Variants in FNDC3B observed in about 807,000 individuals in gnomAD.
FNDC3B encodes fibronectin type III domain-containing protein 3B.
Under a neutral mutation model 151.5 loss-of-function variants are expected in FNDC3B, and 12 were observed. That is an observed-to-expected ratio of 0.08 (90% CI 0.05 to 0.13). The LOEUF is 0.13. Among genes scored for constraint, FNDC3B ranks in the 10% least tolerant of loss-of-function variants. FNDC3B has a pLI of 1.00. For synonymous variants in FNDC3B, 528 were observed against 549.0 expected, an observed-to-expected ratio of 0.96 and a Z score of 0.54; for missense variants, 1,214 against 1,505.3, an observed-to-expected ratio of 0.81 and a Z score of 3.20.
intron 1 of FNDC3B, among the ~76,000 whole-genome samples, chr3:172,047,717 C>CA (rs572703455): frequency 5.0e-4 from 76 of 152,140 alleles, no homozygotes; most frequent in Non-Finnish European, 8.7e-4. Context: ...TATTTGCTTG[C>CA]AAAATACATC....
chr3:172,215,984 C>T (rs1382521838), intron 3 of FNDC3B, among the ~76,000 whole-genome samples: 1 of 147,324 alleles, frequency 6.8e-6, no homozygotes, highest in Non-Finnish European at 1.5e-5. Context: ...CTCCTGGGAA[C>T]TCCGTCTTGA....
chr3:172,288,330 G>A lies in FNDC3B; in HGVS notation c.849+2346G>A, dbSNP rs565909229. ...CACTGGGCAGGGGCCTGGACCTGGCGAATTCACTCAGGTAAATGCCACAAG... is the reference window on the plus strand; with the variant it reads ...CACTGGGCAGGGGCCTGGACCTGGCAAATTCACTCAGGTAAATGCCACAAG... On this transcript the variant is annotated intron_variant, in intron 7 of 25. Coordinates refer to ENST00000415807, the MANE Select transcript of FNDC3B (RefSeq NM_022763.4). Among the ~76,000 whole-genome samples, 21 of 152,290 alleles carry A rather than the reference G, an allele frequency of 1.4e-4. No individual in the cohort carries two copies. The South Asian group carries it at 2.5e-3, about 18-fold the overall frequency.
At chr3:172,103,767 G>A (rs141364630) in intron 1 of FNDC3B, among the ~76,000 whole-genome samples, 1 of 152,240 alleles carries the variant, frequency 6.6e-6, no homozygotes, top group Admixed American at 6.5e-5. Context: ...ACGCAAGAAC[G>A]TTTTTAAGGT....
chr3:172,081,156 C>CACTAGTTTTTT (rs1718261380), intron 1 of FNDC3B, among the ~76,000 whole-genome samples: 1 of 152,176 alleles, frequency 6.6e-6, no homozygotes, highest in Non-Finnish European at 1.5e-5. Flanking sequence ...TATTGATTGG[C>CACTAGTTTTTT]ACTAGTGGTT....
At chr3:172,046,469 C>T (rs1297705986) in intron 1 of FNDC3B, among the ~76,000 whole-genome samples, 1 of 151,864 alleles carries the variant, frequency 6.6e-6, no homozygotes, top group African/African-American at 2.4e-5. Flanking sequence ...AGGTTCACGC[C>T]ACCATGCCTG....
At chr3:172,290,204 G>T (rs1209537257) in intron 7 of FNDC3B, among the ~76,000 whole-genome samples, 1 of 152,196 alleles carries the variant, frequency 6.6e-6, no homozygotes, top group Non-Finnish European at 1.5e-5. Context: ...TTTTATTTAG[G>T]TGCAGAACTT....
intron 7 of FNDC3B, among the ~76,000 whole-genome samples, chr3:172,288,649 T>C (rs1730146574): frequency 6.6e-6 from 1 of 152,204 alleles, no homozygotes; most frequent in African/African-American, 2.4e-5. Context: ...CCTCAAGTAG[T>C]TACACACTCC....
intron 3 of FNDC3B, among the ~76,000 whole-genome samples, chr3:172,134,182 G>A (rs913180515): frequency 3.9e-5 from 6 of 152,324 alleles, no homozygotes; most frequent in African/African-American, 1.4e-4. Flanking sequence ...AGTTCCAGGT[G>A]TAGGTAAGGC....
intron 11 of FNDC3B, among the ~76,000 whole-genome samples, chr3:172,314,361 G>A (rs923136740): frequency 6.6e-6 from 1 of 152,198 alleles, no homozygotes; most frequent in Non-Finnish European, 1.5e-5. Context: ...CACTGCCTGA[G>A]AGTGAGACAG....
chr3:172,288,377 C>T (rs539150394), intron 7 of FNDC3B, among the ~76,000 whole-genome samples: 1 of 152,314 alleles, frequency 6.6e-6, no homozygotes, highest in Non-Finnish European at 1.5e-5. Context: ...TCTGCAGGGC[C>T]AGCCAGCTTA....
chr3:172,383,199 G>A (rs1209886017), intron 25 of FNDC3B, among the ~76,000 whole-genome samples: 2 of 152,186 alleles, frequency 1.3e-5, no homozygotes, highest in African/African-American at 4.8e-5. Context: ...CTTGTAAGTT[G>A]TATTCCTAGG....
intron 3 of FNDC3B, among the ~76,000 whole-genome samples, chr3:172,184,638 C>T (rs1724081075): frequency 1.3e-5 from 2 of 152,138 alleles, no homozygotes; most frequent in African/African-American, 4.8e-5. Flanking sequence ...TTGTATACCT[C>T]ACAGGGCAGT....
chr3:172,049,131 A>G (rs186227784), intron 1 of FNDC3B, among the ~76,000 whole-genome samples: 130 of 152,344 alleles, frequency 8.5e-4, no homozygotes, highest in African/African-American at 3.0e-3. Context: ...TATGACAATT[A>G]AAAAATGCAA....
chr3:172,233,212 G>A (rs1395936030), intron 4 of FNDC3B, among the ~76,000 whole-genome samples: 1 of 152,176 alleles, frequency 6.6e-6, no homozygotes, highest in African/African-American at 2.4e-5. Flanking sequence ...GATTTAAAAA[G>A]CATATGAAGA....
Position 172,144,720 on chromosome 3 carries a change from TA to T in FNDC3B, c.187+11176del, listed in dbSNP as rs755673101. On this transcript the variant is annotated intron_variant, in intron 3 of 25. Transcript: ENST00000415807. ...TTAAAAGGCAAACTTTTTTTTTTTT[TA>T]AGTGGGTATTTTTTTCCTTTTCCTC... 1.0e-3 allele frequency among the ~76,000 whole-genome samples: 149 copies of T among 148,558 alleles called. 1 individual carries two copies. The highest frequency in any genetic ancestry group is 2.1e-3 in the South Asian group (10 of 4,678).
chr3:172,179,260 C>T (rs1723760190), intron 3 of FNDC3B, among the ~76,000 whole-genome samples: 1 of 151,880 alleles, frequency 6.6e-6, no homozygotes, highest in Admixed American at 6.6e-5. Flanking sequence ...CGGGTTTTCA[C>T]CATGTTGGCC....
intron 3 of FNDC3B, among the ~76,000 whole-genome samples, chr3:172,168,638 T>C (rs934764150): frequency 7.9e-5 from 12 of 152,188 alleles, no homozygotes; most frequent in Non-Finnish European, 1.8e-4. Flanking sequence ...ATTTCAAGTG[T>C]TGCTATATAT....
At chr3:172,121,847 G>A (rs531902506) in intron 2 of FNDC3B, among the ~76,000 whole-genome samples, 41 of 152,288 alleles carry the variant, frequency 2.7e-4, no homozygotes, top group African/African-American at 8.7e-4. Context: ...GATTACAGGT[G>A]TGAGCCACTA....
At chr3:172,203,845 A>G (rs1269941977) in intron 3 of FNDC3B, among the ~76,000 whole-genome samples, 1 of 152,182 alleles carries the variant, frequency 6.6e-6, no homozygotes, top group African/African-American at 2.4e-5. Context: ...TCAGACTTTT[A>G]CAAATGATTT....
Sources: gnomAD v4.1 joint callset for allele counts (sites outside exome capture counted in the v4.1 genomes callset) on GRCh38, gnomAD v4.1.1 for gene constraint, MANE v1.5 for transcripts, NCBI Gene and HGNC (gene_info 2026-07-23, HGNC 2026-07-21) for gene names.